The following SKIC3 variants were observed in gnomAD, a reference collection of about 807,000 sequenced individuals.
SKIC3 encodes the protein superkiller complex protein 3.
the SKIC3 span, among the ~76,000 whole-genome samples, chr5:95,521,005 C>G: frequency 6.6e-6 from 1 of 151,986 alleles, no homozygotes; most frequent in Non-Finnish European, 1.5e-5. Flanking sequence ...TGGAAGAATT[C>G]TGTTGGAGTA....
the SKIC3 span, chr5:95,498,420 G>C: frequency 1.2e-6 from 2 of 1,614,144 alleles, no homozygotes; most frequent in Non-Finnish European, 1.7e-6. Flanking sequence ...TGCGGCCTTG[G>C]AGTGCATAAA....
the SKIC3 span, among the ~76,000 whole-genome samples, chr5:95,477,123 T>A: frequency 6.6e-6 from 1 of 152,204 alleles, no homozygotes; most frequent in Non-Finnish European, 1.5e-5. Flanking sequence ...GGCTCACCAG[T>A]TACCAAGGTC....
the SKIC3 span, chr5:95,494,719 T>G: frequency 2.5e-6 from 4 of 1,613,616 alleles, no homozygotes; most frequent in East Asian, 2.2e-5. Flanking sequence ...TGGTCTTTAG[T>G]GCAGTATTTT....
chr5:95,536,858 T>C, the SKIC3 span: 2 of 1,613,712 alleles, frequency 1.2e-6, no homozygotes, highest in Non-Finnish European at 1.7e-6. Context: ...TAATGGATAC[T>C]GTACAGTAGG....
At chr5:95,542,085 G>A in the SKIC3 span, among the ~76,000 whole-genome samples, 8 of 152,166 alleles carry the variant, frequency 5.3e-5, no homozygotes, top group African/African-American at 9.6e-5. Context: ...GCTGGGGGTC[G>A]GAGGGCACAG....
At chr5:95,538,364 A>AC in the SKIC3 span, among the ~76,000 whole-genome samples, 1 of 152,162 alleles carries the variant, frequency 6.6e-6, no homozygotes, top group Non-Finnish European at 1.5e-5. Flanking sequence ...TATCACACAC[A>AC]AAAAAGAAAT....
the SKIC3 span, chr5:95,498,693 T>G: frequency 9.3e-7 from 1 of 1,080,760 alleles, no homozygotes; most frequent in Non-Finnish European, 1.4e-6. Context: ...TGGCACCATC[T>G]CGGCTCACTG....
At chr5:95,500,850 C>T in the SKIC3 span, among the ~76,000 whole-genome samples, 1 of 152,056 alleles carries the variant, frequency 6.6e-6, no homozygotes, top group Non-Finnish European at 1.5e-5. Flanking sequence ...ATATTTATAA[C>T]ATTATAAAAT....
the SKIC3 span, among the ~76,000 whole-genome samples, chr5:95,499,711 T>C: frequency 2.0e-5 from 3 of 152,318 alleles, no homozygotes; most frequent in East Asian, 5.8e-4. Context: ...TAAAGATTTG[T>C]CCTATTTGCT....
chr5:95,544,920 G>A, the SKIC3 span, among the ~76,000 whole-genome samples: 28 of 152,206 alleles, frequency 1.8e-4, no homozygotes, highest in Non-Finnish European at 1.5e-5. Context: ...GCCACAGGCA[G>A]ACAAGGTGAT....
At chr5:95,496,511 G>A in the SKIC3 span, among the ~76,000 whole-genome samples, 1 of 152,082 alleles carries the variant, frequency 6.6e-6, no homozygotes, top group Non-Finnish European at 1.5e-5. Context: ...AGCAACCCAA[G>A]CACAAAGTAG....
chr5:95,478,124 G>A, the SKIC3 span, among the ~76,000 whole-genome samples: 1 of 151,958 alleles, frequency 6.6e-6, no homozygotes, highest in South Asian at 2.1e-4. Context: ...GATTTATGTT[G>A]CTCTATGTCC....
At chr5:95,479,352 C>G in the SKIC3 span, among the ~76,000 whole-genome samples, 1 of 152,068 alleles carries the variant, frequency 6.6e-6, no homozygotes, top group Non-Finnish European at 1.5e-5. Flanking sequence ...CATTTGTGGA[C>G]AGAAAATATT....
the SKIC3 span, among the ~76,000 whole-genome samples, chr5:95,553,989 G>A: frequency 6.6e-6 from 1 of 152,178 alleles, no homozygotes; most frequent in East Asian, 1.9e-4. Flanking sequence ...TCAATTTTCA[G>A]TCGTGCTCTG....
chr5:95,492,429 G>T, the SKIC3 span, among the ~76,000 whole-genome samples: 7 of 151,178 alleles, frequency 4.6e-5, no homozygotes, highest in South Asian at 1.5e-3. Context: ...GAGGTCAAGA[G>T]ATCGAGACCA....
the SKIC3 span, chr5:95,464,565 T>TA: frequency 2.4e-3 from 3,535 of 1,478,638 alleles, 72 homozygotes; most frequent in African/African-American, 0.044. Flanking sequence ...GCTTCATTCT[T>TA]ACAGCTTTTT....
At chr5:95,489,631 T>C in the SKIC3 span, among the ~76,000 whole-genome samples, 12 of 149,928 alleles carry the variant, frequency 8.0e-5, no homozygotes, top group Non-Finnish European at 3.0e-5. Context: ...AGAAAAATAG[T>C]TGGACAAAAA....
At chr5:95,508,916 A>G in the SKIC3 span, among the ~76,000 whole-genome samples, 576 of 152,340 alleles carry the variant, frequency 3.8e-3, 4 homozygotes, top group South Asian at 7.3e-3. Flanking sequence ...CATTGAACAC[A>G]TGTTCAAATC....
chr5:95,529,401 A>G, the SKIC3 span: 2 of 419,724 alleles, frequency 4.8e-6, no homozygotes, highest in Non-Finnish European at 8.9e-6. Flanking sequence ...CAGATTATAA[A>G]ATTCCCCTGC....
Sources: allele counts gnomAD v4.1 joint callset (sites outside exome capture counted in the v4.1 genomes callset), GRCh38; gene constraint gnomAD v4.1.1; transcripts MANE v1.5; gene names NCBI Gene and HGNC (gene_info 2026-07-23, HGNC 2026-07-21).